The following ADAT2 variants were observed in gnomAD, a reference collection of about 807,000 sequenced individuals.
ADAT2 encodes adenosine deaminase tRNA specific 2.
ADAT2 carries 26 observed loss-of-function variants against 25.9 expected under a neutral mutation model. That is an observed-to-expected ratio of 1.00 (90% confidence interval 0.74 to 1.39). The LOEUF (loss-of-function observed/expected upper bound fraction) is 1.39, where lower values mean the gene tolerates loss of function less well. ADAT2 is among the 40% of genes most tolerant of loss of function. The pLI is 0.00. For missense variants in ADAT2, 220 were observed against 244.8 expected (o/e 0.90, Z 0.68); for synonymous variants, 76 against 86.8 (o/e 0.88, Z 0.69).
Position 143,427,824 on chromosome 6 carries a change from CATAA to C in ADAT2, c.*635_*638del, listed in dbSNP as rs1305078892. 1 of 152,264 alleles carries C rather than the reference CATAA, an allele frequency of 6.6e-6. No homozygotes were observed. Among genetic ancestry groups the C allele is most frequent in the Non-Finnish European group, 1.5e-5 (1 of 68,044 alleles). 9.4% of individuals were successfully genotyped at this position (152,264 alleles called of 1,614,324 possible). ...TAAGACTATTCATCTTCAAATAAGA[CATAA>C]ATAAGGTTTTATTATAGCAATATGC... is the stretch of plus-strand genomic sequence containing the variant. On this transcript the variant is annotated 3_prime_UTR_variant, in exon 6 of 6. Coordinates refer to ENST00000237283, the MANE Select transcript of ADAT2 (RefSeq NM_182503.3).
chr6:143,434,115 C>T lies in ADAT2; in HGVS notation c.202-134G>A. ...TTTTAATGAATACAGTTTCAAGACA[C>T]CCTTAGCAGTGGACAACGTATTCCC... On this transcript the variant is annotated intron_variant, in intron 2 of 5. Coordinates refer to ENST00000237283, the MANE Select transcript of ADAT2 (RefSeq NM_182503.3). This position sits in a 1 kb window ranked among gnomAD's most constrained non-coding sequence, Gnocchi z 4.5. 8.8e-7 allele frequency: 1 copy of T among 1,135,868 alleles called. No homozygotes were observed. The highest frequency in any genetic ancestry group is 1.5e-5 in the African/African-American group (1 of 64,632). 70.4% of individuals were successfully genotyped at this position (1,135,868 alleles called of 1,614,324 possible).
In ADAT2 at chr6:143,424,768, TAA is replaced by T. The variant is rs2128736482; in HGVS notation, c.*3693_*3694del. 1 of 152,334 alleles carries T rather than the reference TAA, an allele frequency of 6.6e-6. No individual in the cohort carries two copies. Among genetic ancestry groups the T allele is most frequent in the South Asian group, 2.1e-4 (1 of 4,820 alleles). The allele number at this position is 152,334 out of a possible 1,614,324, so 9.4% of individuals were successfully genotyped here. On this transcript the variant is annotated 3_prime_UTR_variant, in exon 6 of 6. Coordinates refer to ENST00000237283, the MANE Select transcript of ADAT2 (RefSeq NM_182503.3). The surrounding 1 kb of genome is among the most constrained non-coding windows in gnomAD (Gnocchi z 4.8). The stretch of plus-strand genomic sequence containing the variant: ...TTTTTTTATCAATTTTGGCAGACAG[TAA>T]AAGAGGAAGAATGCAATCAAATAAT...
At position 143,437,038 on chromosome 6, in the gene ADAT2, G is replaced by A. The variant is rs17072609; in HGVS notation, c.201+1552C>T. Among the ~76,000 whole-genome samples, 6,591 of 151,326 alleles carry A rather than the reference G, an allele frequency of 0.044. 486 individuals are homozygous for A. The highest frequency in any genetic ancestry group is 0.15 in the African/African-American group (6,197 of 41,336). On this transcript the variant is annotated intron_variant, in intron 2 of 5. Coordinates refer to ENST00000237283, the MANE Select transcript of ADAT2 (RefSeq NM_182503.3). This position sits in a 1 kb window ranked among gnomAD's most constrained non-coding sequence, Gnocchi z 4.1. ...TTTTTTCTTTCTAATTCTACACTTCGATCTACTATTTTTCATAAGCAAATT... is the reference window on the plus strand; with the variant it reads ...TTTTTTCTTTCTAATTCTACACTTCAATCTACTATTTTTCATAAGCAAATT...
chr6:143,427,999 GC>G lies in ADAT2; in HGVS notation c.*463del. On this transcript the variant is annotated 3_prime_UTR_variant, in exon 6 of 6. Coordinates refer to ENST00000237283, the MANE Select transcript of ADAT2 (RefSeq NM_182503.3). ...ATATACAATTTAGAGAGAAGTCACA[GC>G]CCCCAGTGCCCTGGAAGAACATCGT... 6.1e-6 allele frequency: 1 copy of G among 162,866 alleles called. No homozygotes were observed. Among genetic ancestry groups the G allele is most frequent in the Non-Finnish European group, 1.4e-5 (1 of 73,764 alleles). 10.1% of individuals were successfully genotyped at this position (162,866 alleles called of 1,614,324 possible). A position where few individuals can be genotyped will look rare whatever the true frequency, so the allele number is the denominator to read the frequency against.
rs952097298 is a variant in ADAT2, at chr6:143,437,463, T to C, written c.201+1127A>G. On this transcript the variant is annotated intron_variant, in intron 2 of 5. Coordinates refer to ENST00000237283, the MANE Select transcript of ADAT2 (RefSeq NM_182503.3). This position sits in a 1 kb window ranked among gnomAD's most constrained non-coding sequence, Gnocchi z 4.1. ...CTTGTAATATTAGTCTCTCTGTTAC[T>C]GATTTCTAAGAACTCATTTCTGATT... Among the ~76,000 whole-genome samples, 8 of 152,228 alleles carry C rather than the reference T, an allele frequency of 5.3e-5. No homozygotes were observed. The highest frequency in any genetic ancestry group is 1.0e-4 in the Non-Finnish European group (7 of 68,032).
At chr6:143,445,858 C>T (rs1160721682) in intron 1 of ADAT2, among the ~76,000 whole-genome samples, 3 of 152,076 alleles carry the variant, frequency 2.0e-5, no homozygotes, top group Non-Finnish European at 4.4e-5. Context: ...GCTTTCTTTT[C>T]GAATTTCCCT....
chr6:143,442,332 CA>C lies in ADAT2; in HGVS notation c.97-3639del, dbSNP rs1489749479. On this transcript the variant is annotated intron_variant, in intron 1 of 5. Coordinates refer to ENST00000237283, the MANE Select transcript of ADAT2 (RefSeq NM_182503.3). The surrounding 1 kb of genome is among the most constrained non-coding windows in gnomAD (Gnocchi z 4.6). ...AATGGTTACAGATTCATGTACATAG[CA>C]TTTTTGAATTATAAAATTATAGACA... Among the ~76,000 whole-genome samples the C allele has an allele frequency of 1.4e-5, 2 of 138,252 alleles. No homozygotes were observed. Among genetic ancestry groups the C allele is most frequent in the African/African-American group, 2.8e-5 (1 of 36,290 alleles). 90.7% of individuals were successfully genotyped at this position (138,252 alleles called of 152,430 possible).
In ADAT2 at chr6:143,428,875, C is replaced by T. The variant is rs1235190676; in HGVS notation, c.460-191G>A. Among the ~76,000 whole-genome samples the T allele has an allele frequency of 2.6e-5, 4 of 152,100 alleles. No homozygotes were observed. Among genetic ancestry groups the T allele is most frequent in the South Asian group, 4.1e-4 (2 of 4,824 alleles). On this transcript the variant is annotated intron_variant, in intron 4 of 5. Transcript: ENST00000237283. This position sits in a 1 kb window ranked among gnomAD's most constrained non-coding sequence, Gnocchi z 5.0. ...TGATATATCATCTTTTTCATTACTCCCAATCAACTGTTATTAGGCATCACT... is the reference window on the plus strand; with the variant it reads ...TGATATATCATCTTTTTCATTACTCTCAATCAACTGTTATTAGGCATCACT...
In ADAT2 at chr6:143,444,856, C is replaced by A; in HGVS notation, c.96+5707G>T. The A allele has an allele frequency of 8.9e-7, 1 of 1,117,878 alleles. No individual in the cohort carries two copies. Among genetic ancestry groups the A allele is most frequent in the Non-Finnish European group, 1.2e-6 (1 of 842,502 alleles). 69.2% of individuals were successfully genotyped at this position (1,117,878 alleles called of 1,614,324 possible). On this transcript the variant is annotated intron_variant, in intron 1 of 5. Coordinates refer to ENST00000237283, the MANE Select transcript of ADAT2 (RefSeq NM_182503.3). The surrounding 1 kb of genome is among the most constrained non-coding windows in gnomAD (Gnocchi z 4.3). ...AAGAGACTTCGTAGTTTATTATTTT[C>A]TCCAAAGACATTACTACTATAAACT...
Position 143,446,079 on chromosome 6 carries a change from C to CA in ADAT2, c.96+4483dup, listed in dbSNP as rs768380845. ...ATTAAAAAAAAAAAACCTCATGTAT[C>CA]AAAAAAAAAAAACCCACTAAGAATC... On this transcript the variant is annotated intron_variant, in intron 1 of 5. Transcript: ENST00000237283. The surrounding 1 kb of genome is among the most constrained non-coding windows in gnomAD (Gnocchi z 5.0). Among the ~76,000 whole-genome samples the CA allele has an allele frequency of 1.8e-3, 243 of 137,994 alleles. 1 individual carries two copies. Among genetic ancestry groups the CA allele is most frequent in the Middle Eastern group, 0.015 (4 of 264 alleles). 90.5% of individuals were successfully genotyped at this position (137,994 alleles called of 152,430 possible).
In ADAT2 at chr6:143,428,524, A is replaced by G; in HGVS notation, c.533-18T>C. On this transcript the variant is annotated intron_variant, in intron 5 of 5. Transcript: ENST00000237283. The surrounding 1 kb of genome is among the most constrained non-coding windows in gnomAD (Gnocchi z 5.0). The stretch of plus-strand genomic sequence containing the variant: ...TTTTGGTGCTGTGAAAAGAATAGAA[A>G]AGAAAAAGAAAATGAAGAGGTAAGC... 6.2e-7 allele frequency: 1 copy of G among 1,613,790 alleles called. No individual in the cohort carries two copies. The highest frequency in any genetic ancestry group is 8.5e-7 in the Non-Finnish European group (1 of 1,179,866).
In ADAT2 at chr6:143,423,547, G is replaced by C. The variant is rs1017724085; in HGVS notation, c.*4916C>G. On this transcript the variant is annotated 3_prime_UTR_variant, in exon 6 of 6. Transcript: ENST00000237283. ...GTTAAGGTAAGGAAGACTTAATTCA[G>C]GACTACAGTGATAGGTTTTAAAACT... 2.0e-5 allele frequency: 3 copies of C among 152,072 alleles called. No individual in the cohort carries two copies. The highest frequency in any genetic ancestry group is 4.8e-5 in the African/African-American group (2 of 41,392). The allele number at this position is 152,072 out of a possible 1,614,324, so 9.4% of individuals were successfully genotyped here. A position where few individuals can be genotyped will look rare whatever the true frequency, so the allele number is the denominator to read the frequency against.
Position 143,436,601 on chromosome 6 carries a change from G to T in ADAT2, c.201+1989C>A. On this transcript the variant is annotated intron_variant, in intron 2 of 5. Transcript: ENST00000237283. The surrounding 1 kb of genome is among the most constrained non-coding windows in gnomAD (Gnocchi z 4.1). ...GGCAAGAATGAGATGGAATTCACTGGGGCCGAGAGCAACATGAATGACCTG... is the reference window on the plus strand; with the variant it reads ...GGCAAGAATGAGATGGAATTCACTGTGGCCGAGAGCAACATGAATGACCTG... The T allele has an allele frequency of 2.4e-6, 1 of 409,528 alleles. No homozygotes were observed. Among genetic ancestry groups the T allele is most frequent in the South Asian group, 2.1e-5 (1 of 48,154 alleles). The allele number at this position is 409,528 out of a possible 1,614,324, so 25.4% of individuals were successfully genotyped here. A position where few individuals can be genotyped will look rare whatever the true frequency, so the allele number is the denominator to read the frequency against.
rs912638128 is a variant in ADAT2 at position 143,434,356 on chromosome 6, C to G, written c.202-375G>C. ...AGCAAAATTTTCATAAGCTTGTGCT[C>G]TAGTTTCAAATATATTTTCAAGGCT... is the stretch of plus-strand genomic sequence containing the variant. On this transcript the variant is annotated intron_variant, in intron 2 of 5. Transcript: ENST00000237283. This position sits in a 1 kb window ranked among gnomAD's most constrained non-coding sequence, Gnocchi z 4.5. Among the ~76,000 whole-genome samples the G allele has an allele frequency of 6.6e-6, 1 of 152,176 alleles. No individual in the cohort carries two copies. The highest frequency in any genetic ancestry group is 2.4e-5 in the African/African-American group (1 of 41,434).
intron 4 of ADAT2, among the ~76,000 whole-genome samples, chr6:143,430,666 G>C (rs965834392): frequency 2.0e-5 from 3 of 152,152 alleles, no homozygotes; most frequent in Admixed American, 1.3e-4. Context: ...CCCGGGTTCA[G>C]GCCATTCTCC....
At position 143,446,505 on chromosome 6, in the gene ADAT2, T is replaced by G. The variant is rs758113235; in HGVS notation, c.96+4058A>C. The stretch of plus-strand genomic sequence containing the variant: ...TGTAAAATACAAAGAGCTCCTACAG[T>G]GCGATTTTTTAAATCAAACTATTAC... On this transcript the variant is annotated intron_variant, in intron 1 of 5. Transcript: ENST00000237283. This position sits in a 1 kb window ranked among gnomAD's most constrained non-coding sequence, Gnocchi z 5.0. Among the ~76,000 whole-genome samples, 1 of 152,084 alleles carries G rather than the reference T, an allele frequency of 6.6e-6. No homozygotes were observed. The highest frequency in any genetic ancestry group is 2.4e-5 in the African/African-American group (1 of 41,394).
In ADAT2 at chr6:143,450,669, C is replaced by G; in HGVS notation, c.-11G>C. 1 of 1,612,620 alleles carries G rather than the reference C, an allele frequency of 6.2e-7. No individual in the cohort carries two copies. Among genetic ancestry groups the G allele is most frequent in the Non-Finnish European group, 8.5e-7 (1 of 1,179,926 alleles). ...CGCCTTCGCCTCCATACCCAGCCAC[C>G]ACTCAGCTACAGAGCCCGCGGCAGA... On this transcript the variant is annotated 5_prime_UTR_variant, in exon 1 of 6. Transcript: ENST00000237283.
Position 143,436,488 on chromosome 6 carries a change from G to T in ADAT2, c.201+2102C>A. On this transcript the variant is annotated intron_variant, in intron 2 of 5. Coordinates refer to ENST00000237283, the MANE Select transcript of ADAT2 (RefSeq NM_182503.3). This position sits in a 1 kb window ranked among gnomAD's most constrained non-coding sequence, Gnocchi z 4.1. ...CCACCACTTTCATCAGTAACAACACGGCCATCCAGGAGCTGCTCAGAGACG... is the reference window on the plus strand; with the variant it reads ...CCACCACTTTCATCAGTAACAACACTGCCATCCAGGAGCTGCTCAGAGACG... 1 of 291,070 alleles carries T rather than the reference G, an allele frequency of 3.4e-6. No homozygotes were observed. The highest frequency in any genetic ancestry group is 3.2e-5 in the Admixed American group (1 of 30,840). 18.0% of individuals were successfully genotyped at this position (291,070 alleles called of 1,614,324 possible). A position where few individuals can be genotyped will look rare whatever the true frequency, so the allele number is the denominator to read the frequency against.
At chr6:143,429,496 T>C (rs1014976166) in intron 4 of ADAT2, among the ~76,000 whole-genome samples, 54 of 152,246 alleles carry the variant, frequency 3.5e-4, no homozygotes, top group African/African-American at 1.3e-3. Context: ...ACATGAAACT[T>C]GAACTTGCCT....
Sources: allele counts gnomAD v4.1 joint callset (sites outside exome capture counted in the v4.1 genomes callset), GRCh38; gene constraint gnomAD v4.1.1; non-coding constraint Gnocchi (gnomAD v3.1); transcripts MANE v1.5; gene names NCBI Gene and HGNC (gene_info 2026-07-23, HGNC 2026-07-21).